The following TMEM101 variants were observed in gnomAD, a reference collection of about 807,000 sequenced individuals.
TMEM101 encodes putative NF-kappa-B-activating protein 130.
TMEM101 carries 14 observed loss-of-function variants against 26.0 expected under a neutral mutation model. The observed-to-expected ratio is 0.54, with a 90% CI of 0.36 to 0.84. The LOEUF (loss-of-function observed/expected upper bound fraction) is 0.84. Ranked by LOEUF, TMEM101 falls within the 40% of genes least tolerant of loss-of-function variation. The pLI, the probability that TMEM101 is intolerant of heterozygous loss-of-function variation, is 0.01. For missense variants in TMEM101, 292 were observed against 345.1 expected (o/e 0.85, Z 1.22); for synonymous variants, 152 against 145.1 (o/e 1.05, Z -0.34).
In TMEM101 at chr17:44,013,165, G is replaced by C; in HGVS notation, c.319-10C>G. 1.3e-6 allele frequency: 2 copies of C among 1,538,722 alleles called. No individual in the cohort carries two copies. Among genetic ancestry groups the C allele is most frequent in the Non-Finnish European group, 1.8e-6 (2 of 1,131,042 alleles). ...GCGAGTACATACGGACCTAGGCCGG[G>C]GTAAGGGGACCCCAGTCAAGAACTG... On this transcript the variant is annotated splice_polypyrimidine_tract_variant and intron_variant, in intron 2 of 3. Transcript: ENST00000206380.
chr17:44,019,859 T>C (rs911904733), upstream of TMEM101, among the ~76,000 whole-genome samples: 2 of 152,146 alleles, frequency 1.3e-5, no homozygotes, highest in Non-Finnish European at 2.9e-5. Context: ...TGCAAGGAGA[T>C]TCATATTGTG....
Position 44,012,175 on chromosome 17 carries a change from C to T in TMEM101, c.527G>A (p.Gly176Glu). 6.2e-7 allele frequency: 1 copy of T among 1,614,204 alleles called. No individual in the cohort carries two copies. Among genetic ancestry groups the T allele is most frequent in the Admixed American group, 1.7e-5 (1 of 60,028 alleles). The change falls in exon 4 of 4, where the codon GGG (glycine) becomes GAG (glutamate). Residue 176 changes from glycine to glutamate, a missense_variant. This residue lies in a region of TMEM101 where 149 missense variants were observed against 211.9 expected (regional missense o/e 0.70). Transcript: ENST00000206380. ...RLAYLNHLPG[G>E]ELMIQLFFVL... Reference sequence around the variant, plus strand: ...GAAGAACAGCTGGATCATCAGCTCCCCTCCTGGGAGATGGTTCAGATACGC... The same window carrying T: ...GAAGAACAGCTGGATCATCAGCTCCTCTCCTGGGAGATGGTTCAGATACGC...
chr17:44,019,317 G>T, upstream of TMEM101: 1 of 429,546 alleles, frequency 2.3e-6, no homozygotes, highest in Non-Finnish European at 4.6e-6. Flanking sequence ...GCACTCACCA[G>T]ACTATGGCGG....
chr17:44,013,255 A>G, intron 2 of TMEM101, 100 bp from the exon 3 acceptor site: 1 of 1,197,326 alleles, frequency 8.4e-7, no homozygotes, highest in Non-Finnish European at 1.1e-6. Context: ...ATCCCATTCC[A>G]TCTGATGAAC....
intron 3 of TMEM101, 46 bp from the exon 4 acceptor site, chr17:44,012,282 C>G: frequency 6.4e-7 from 1 of 1,553,646 alleles, no homozygotes; most frequent in African/African-American, 1.4e-5. Context: ...GCTCAGAAGC[C>G]TGTCTGGGGT....
At chr17:44,012,947 C>A (rs889393329) in intron 3 of TMEM101, 62 bp downstream of exon 3, 39 of 1,465,324 alleles carry the variant, frequency 2.7e-5, no homozygotes, top group Non-Finnish European at 3.2e-5. Flanking sequence ...GGGGTTCTGC[C>A]ATGCCTAGAC....
chr17:44,014,228 GTTCGAACC>G, intron 2 of TMEM101, 121 bp downstream of exon 2: 3 of 1,129,282 alleles, frequency 2.7e-6, no homozygotes, highest in Non-Finnish European at 3.7e-6. Context: ...AAGCCAAGGG[GTTCGAACC>G]TCCCAGGCTT....
chr17:44,020,550 G>A (rs191395385), intron 2 of TMEM101, among the ~76,000 whole-genome samples: 20 of 152,186 alleles, frequency 1.3e-4, no homozygotes, highest in Admixed American at 5.9e-4. Context: ...GTGAAACCCC[G>A]TCTCTACTAA....
chr17:44,015,012 G>A, upstream of TMEM101: 1 of 1,537,030 alleles, frequency 6.5e-7, no homozygotes, highest in East Asian at 2.3e-5. Context: ...CGCGGGGATG[G>A]GACACGCAGC....
upstream of TMEM101, chr17:44,014,984 C>G (rs762539204): frequency 1.3e-6 from 2 of 1,574,408 alleles, no homozygotes; most frequent in Non-Finnish European, 1.7e-6. Context: ...GCGGCCTCAC[C>G]CCAGTCAGAG....
chr17:44,021,823 ATTTCTTG>A (rs2049288125), intron 1 of TMEM101, among the ~76,000 whole-genome samples: 2 of 152,176 alleles, frequency 1.3e-5, no homozygotes, highest in African/African-American at 4.8e-5. Context: ...CAAGCTAACA[ATTTCTTG>A]AAAGGGGTAT....
chr17:44,022,537 G>A (rs2049294834), intron 1 of TMEM101, among the ~76,000 whole-genome samples: 1 of 152,194 alleles, frequency 6.6e-6, no homozygotes, highest in Admixed American at 6.5e-5. Flanking sequence ...TCCCTATCTT[G>A]ACACATTAAC....
At chr17:44,016,123 A>ACG (rs1290304573), upstream of TMEM101, among the ~76,000 whole-genome samples, 5 of 150,528 alleles carry the variant, frequency 3.3e-5, no homozygotes, top group African/African-American at 1.2e-4. Context: ...ATAGATACAC[A>ACG]CGCACACACA....
chr17:44,013,225 A>AT, intron 2 of TMEM101, 70 bp from the exon 3 acceptor site: 1 of 1,401,738 alleles, frequency 7.1e-7, no homozygotes, highest in South Asian at 1.6e-5. Flanking sequence ...CCCAGAGTGT[A>AT]GAACCACCCC....
chr17:44,015,412 G>A (rs1355838428), upstream of TMEM101, among the ~76,000 whole-genome samples: 1 of 149,562 alleles, frequency 6.7e-6, no homozygotes, highest in Non-Finnish European at 1.5e-5. Context: ...TTTTGTTTTT[G>A]AGACGGAGTC....
rs750897081 is a variant in TMEM101, at chr17:44,014,915, T to C, written c.38A>G (p.Gln13Arg). 3.7e-6 allele frequency: 6 copies of C among 1,613,924 alleles called. No homozygotes were observed. Among genetic ancestry groups the C allele is most frequent in the Non-Finnish European group, 5.1e-6 (6 of 1,179,914 alleles). The change falls in exon 1 of 4, where the codon CAG becomes CGG. Residue 13 changes from glutamine to arginine, a missense_variant. By Grantham distance (43) the Gln-to-Arg change is conservative. Transcript: ENST00000206380. ...SKIGSRRWML[Q>R]LIMQLGSVLL... ...CACCGAACCCAACTGCATGATCAGC[T>C]GCAACATCCACCGTCTCGAACCTAT...
In TMEM101 at chr17:44,014,522, T is replaced by G; in HGVS notation, c.153A>C (p.Pro51=). 6.4e-7 allele frequency: 1 copy of G among 1,570,554 alleles called. No homozygotes were observed. The highest frequency in any genetic ancestry group is 8.6e-7 in the Non-Finnish European group (1 of 1,156,540). Residue 51 remains proline (P), a synonymous_variant, in exon 2 of 4, where the codon CCA becomes CCC. Transcript: ENST00000206380. ...RAEARRKPDI[P]VPYLYFDMGA... Reference sequence around the variant, plus strand: ...CCATGTCGAAATACAGGTAAGGCACTGGGATGTCGGGCTTCCTGCGAGCCG... The same window carrying G: ...CCATGTCGAAATACAGGTAAGGCACGGGGATGTCGGGCTTCCTGCGAGCCG...
upstream of TMEM101, among the ~76,000 whole-genome samples, chr17:44,015,409 T>C (rs2049220341): frequency 6.6e-6 from 1 of 152,178 alleles, no homozygotes; most frequent in Admixed American, 6.5e-5. Flanking sequence ...TTGTTTTGTT[T>C]TTGAGACGGA....
intron 2 of TMEM101, 79 bp from the exon 3 acceptor site, chr17:44,013,234 C>T (rs1597870063): frequency 7.6e-7 from 1 of 1,317,528 alleles, no homozygotes; most frequent in Non-Finnish European, 9.9e-7. Flanking sequence ...TAGAACCACC[C>T]CTCTCTACAC....
Sources: gnomAD v4.1 joint callset for allele counts (sites outside exome capture counted in the v4.1 genomes callset) on GRCh38, gnomAD v4.1.1 for gene constraint, gnomAD v4.1.1 regional missense constraint, MANE v1.5 for transcripts, NCBI Gene and HGNC (gene_info 2026-07-23, HGNC 2026-07-21) for gene names.